Variants in HDAC9 observed in about 807,000 individuals in gnomAD.
HDAC9 encodes the protein histone deacetylase 9.
In HDAC9, 41 loss-of-function variants were observed where a neutral mutation model predicts 139.4. The ratio of observed to expected loss-of-function variants is 0.29; its 90% CI spans 0.23 to 0.38. HDAC9 has a LOEUF of 0.38. Among genes scored for constraint, HDAC9 ranks in the 10% least tolerant of loss-of-function variants. HDAC9 has a pLI of 1.00. For missense variants in HDAC9, 1,147 were observed against 1,297.0 expected (o/e 0.88, Z 1.78); for synonymous variants, 517 against 476.2 (o/e 1.09, Z -1.12).
At chr7:18,521,478 T>C (rs1212079167) in intron 2 of HDAC9, among the ~76,000 whole-genome samples, 1 of 152,220 alleles carries the variant, frequency 6.6e-6, no homozygotes, top group Non-Finnish European at 1.5e-5. Context: ...GTCGTCCATC[T>C]ATTTGATTTG....
chr7:18,510,487 T>A (rs1437027413), intron 2 of HDAC9, among the ~76,000 whole-genome samples: 1 of 152,180 alleles, frequency 6.6e-6, no homozygotes, highest in African/African-American at 2.4e-5. Context: ...TATGTTTTTA[T>A]GTAGAGACAA....
chr7:18,869,579 A>G (rs1224354833), intron 21 of HDAC9, among the ~76,000 whole-genome samples: 4 of 152,132 alleles, frequency 2.6e-5, no homozygotes, highest in South Asian at 2.1e-4. Context: ...CAGTGCAAGA[A>G]CAGACTAATA....
chr7:18,704,983 A>G (rs1025137084), intron 12 of HDAC9, among the ~76,000 whole-genome samples: 1 of 152,238 alleles, frequency 6.6e-6, no homozygotes, highest in Non-Finnish European at 1.5e-5. Context: ...TGGGCCACAC[A>G]TACGATTTTT....
chr7:18,409,374 G>A (rs561383891), intron 1 of HDAC9, among the ~76,000 whole-genome samples: 39 of 152,236 alleles, frequency 2.6e-4, no homozygotes, highest in African/African-American at 7.9e-4. Context: ...CACAGTATAA[G>A]CTGATTAAGG....
At chr7:18,368,009 T>G (rs571663192) in intron 1 of HDAC9, among the ~76,000 whole-genome samples, 7 of 152,230 alleles carry the variant, frequency 4.6e-5, no homozygotes, top group African/African-American at 1.7e-4. Flanking sequence ...CTACTTTCTT[T>G]TGAATTGTTT....
intron 1 of HDAC9, among the ~76,000 whole-genome samples, chr7:18,143,057 G>T (rs557664143): frequency 6.6e-6 from 1 of 152,256 alleles, no homozygotes; most frequent in East Asian, 1.9e-4. Flanking sequence ...ATAGTAACCT[G>T]GGTGAGATGC....
intron 2 of HDAC9, among the ~76,000 whole-genome samples, chr7:18,548,889 T>C (rs1317811482): frequency 1.1e-4 from 16 of 152,192 alleles, no homozygotes; most frequent in Admixed American, 1.0e-3. Context: ...TACATTGGTA[T>C]TGGGAATGTA....
At chr7:18,606,079 G>A (rs182023474) in intron 6 of HDAC9, among the ~76,000 whole-genome samples, 25 of 152,212 alleles carry the variant, frequency 1.6e-4, no homozygotes, top group Admixed American at 3.9e-4. Flanking sequence ...ATATTTCTTC[G>A]TTACTGACTC....
chr7:18,104,494 A>G (rs533952315), intron 1 of HDAC9, among the ~76,000 whole-genome samples: 15 of 152,312 alleles, frequency 9.8e-5, no homozygotes, highest in African/African-American at 2.9e-4. Context: ...TTTGAAAAAA[A>G]CAAGGGTTGG....
intron 2 of HDAC9, among the ~76,000 whole-genome samples, chr7:18,204,417 G>A (rs1178313): frequency 0.77 from 114,540 of 149,248 alleles, 43,683 homozygotes; most frequent in South Asian, 0.86. Flanking sequence ...GCATATCTTT[G>A]TAAGTCAAAG....
At chr7:18,972,537 C>T (rs2965025) in intron 24 of HDAC9, among the ~76,000 whole-genome samples, 2,947 of 151,952 alleles carry the variant, frequency 0.019, 99 homozygotes, top group African/African-American at 0.064. Context: ...TGCACCACCA[C>T]GCCTGGATAT....
chr7:18,188,529 C>T (rs1203757895), intron 2 of HDAC9, among the ~76,000 whole-genome samples: 1 of 152,124 alleles, frequency 6.6e-6, no homozygotes, highest in Non-Finnish European at 1.5e-5. Context: ...AGCTTCTGCA[C>T]AGCAAAAGAA....
chr7:18,698,989 G>C (rs1333630394), intron 12 of HDAC9, among the ~76,000 whole-genome samples: 1 of 152,192 alleles, frequency 6.6e-6, no homozygotes, highest in African/African-American at 2.4e-5. Context: ...CACTTGATGG[G>C]GGAGATTATA....
At chr7:18,285,871 GT>G (rs1348449704), upstream of HDAC9, among the ~76,000 whole-genome samples, 3 of 152,022 alleles carry the variant, frequency 2.0e-5, no homozygotes, top group African/African-American at 7.2e-5. Flanking sequence ...ATTTAGTCAA[GT>G]GTCAAAGGCA....
chr7:18,430,476 G>A (rs1024758032), intron 1 of HDAC9: 1 of 152,094 alleles, frequency 6.6e-6, no homozygotes, highest in Non-Finnish European at 1.5e-5. Context: ...TTCCATCCTT[G>A]GCCTCCCAAA....
At chr7:18,732,654 TACAC>T (rs572125787) in intron 13 of HDAC9, among the ~76,000 whole-genome samples, 1 of 104,346 alleles carries the variant, frequency 9.6e-6, no homozygotes, top group Non-Finnish European at 1.8e-5. Context: ...TGTGTATATA[TACAC>T]ACACACGTGT....
chr7:18,447,963 C>A (rs1167985279), intron 1 of HDAC9, among the ~76,000 whole-genome samples: 1 of 152,152 alleles, frequency 6.6e-6, no homozygotes, highest in Non-Finnish European at 1.5e-5. Context: ...GCCTTAGCTT[C>A]CCTAATAGCT....
At chr7:18,124,143 A>G (rs1305233566) in intron 1 of HDAC9, among the ~76,000 whole-genome samples, 1 of 152,182 alleles carries the variant, frequency 6.6e-6, no homozygotes, top group African/African-American at 2.4e-5. Context: ...TAGTTGAAGT[A>G]TAGTTCACCT....
chr7:18,374,128 A>G (rs1304479895), intron 1 of HDAC9, among the ~76,000 whole-genome samples: 2 of 151,758 alleles, frequency 1.3e-5, no homozygotes, highest in Non-Finnish European at 2.9e-5. Context: ...TATCATAAAA[A>G]TATAGCTTAA....
Sources: allele counts gnomAD v4.1 joint callset (sites outside exome capture counted in the v4.1 genomes callset), GRCh38; gene constraint gnomAD v4.1.1; transcripts MANE v1.5; gene names NCBI Gene and HGNC (gene_info 2026-07-23, HGNC 2026-07-21).